The following ATG2B variants were observed in gnomAD, a reference collection of about 807,000 sequenced individuals.
ATG2B encodes the protein autophagy-related protein 2 homolog B.
In ATG2B, 121 loss-of-function variants were observed where a neutral mutation model predicts 241.3. The observed-to-expected ratio is 0.50, with a 90% CI of 0.43 to 0.58. The LOEUF is 0.58. Ranked by LOEUF, ATG2B falls within the 20% of genes least tolerant of loss-of-function variation. The probability of loss-of-function intolerance (pLI) is 0.00; values close to 1 mark genes in which losing one functional copy is unlikely to be tolerated. For missense variants in ATG2B, 2,306 were observed against 2,491.6 expected, an observed-to-expected ratio of 0.93 and a Z score of 1.59; for synonymous variants, 858 against 876.6, an observed-to-expected ratio of 0.98 and a Z score of 0.37.
At position 96,345,260 on chromosome 14, in the gene ATG2B, C is replaced by T; in HGVS notation, c.451G>A (p.Glu151Lys). ...GTTTCAATGGTTTCAGCAAACTTTT[C>T]AAGTCCTTCAAAAGGCTGGGATCCT... ...GEGSQPFEGL[E>K]KFAETIETVL... Residue 151 changes from glutamate (E) to lysine (K), a missense_variant, in exon 3 of 42, where the codon GAA becomes AAA. Glu to Lys is a moderately conservative substitution (Grantham distance 56). This residue lies in a region of ATG2B where 1,927 missense variants were observed against 2,011.2 expected (regional missense o/e 0.96). Transcript: ENST00000359933. The T allele has an allele frequency of 6.2e-7, 1 of 1,611,610 alleles. No homozygotes were observed. The highest frequency in any genetic ancestry group is 8.5e-7 in the Non-Finnish European group (1 of 1,179,140).
chr14:96,350,909 A>G (rs1888300632), intron 1 of ATG2B, among the ~76,000 whole-genome samples: 2 of 152,212 alleles, frequency 1.3e-5, no homozygotes, highest in African/African-American at 4.8e-5. Context: ...CCTGTCCCAT[A>G]GTTCCTTGTA....
chr14:96,333,506 G>A (rs1285533770), intron 8 of ATG2B, among the ~76,000 whole-genome samples, 182 bp downstream of exon 8: 2 of 152,142 alleles, frequency 1.3e-5, no homozygotes, highest in Non-Finnish European at 2.9e-5. Context: ...GCACCTATGT[G>A]CTGGTGCATT....
chr14:96,312,032 A>T, intron 26 of ATG2B, 57 bp downstream of exon 26: 1 of 1,290,352 alleles, frequency 7.7e-7, no homozygotes, highest in Non-Finnish European at 1.1e-6. Flanking sequence ...CTTTAAAATT[A>T]TTTACGCACA....
In ATG2B at chr14:96,332,313, T is replaced by C. The variant is rs1239999816; in HGVS notation, c.1460A>G (p.Gln487Arg). The change falls in exon 10 of 42, where the codon CAG becomes CGG. Residue 487 changes from glutamine to arginine, a missense_variant. This residue lies in a region of ATG2B where 1,927 missense variants were observed against 2,011.2 expected (regional missense o/e 0.96). Coordinates refer to ENST00000359933, the MANE Select transcript of ATG2B (RefSeq NM_018036.7). ...GTCTTATTTTTACTTACATGTCTTC[T>C]GTAAAGGTGTTGGGTGAACTAGGTT... The part of the protein sequence containing the change: ...PSNLVHPTPL[Q>R]KTSLPSRSVS... 4 of 1,611,944 alleles carry C rather than the reference T, an allele frequency of 2.5e-6. No homozygotes were observed. Among genetic ancestry groups the C allele is most frequent in the Non-Finnish European group, 3.4e-6 (4 of 1,178,142 alleles).
intron 25 of ATG2B, among the ~76,000 whole-genome samples, 155 bp downstream of exon 25, chr14:96,312,910 C>T (rs1442426310): frequency 6.6e-6 from 1 of 151,914 alleles, no homozygotes; most frequent in African/African-American, 2.4e-5. Flanking sequence ...AACATGTCAC[C>T]TGAGAAAAAT....
intron 1 of ATG2B, among the ~76,000 whole-genome samples, chr14:96,362,187 CAA>C (rs1888656317): frequency 6.6e-6 from 1 of 152,062 alleles, no homozygotes; most frequent in South Asian, 2.1e-4. Flanking sequence ...TCACGTGGAG[CAA>C]AGAGGCATAA....
rs1157529709 is a variant in ATG2B, at chr14:96,325,953, A to G, written c.2164-31T>C. The G allele has an allele frequency of 7.5e-6, 12 of 1,597,294 alleles. No homozygotes were observed. The East Asian group carries it at 2.7e-4, about 36-fold the overall frequency. The stretch of plus-strand genomic sequence containing the variant: ...ACACAAAACATCAAAAATATGCCAA[A>G]ATATTAAAGTAAATGAACATAAATT... On this transcript the variant is annotated intron_variant, in intron 14 of 41. Transcript: ENST00000359933.
At chr14:96,362,036 T>A (rs990041578) in intron 1 of ATG2B, among the ~76,000 whole-genome samples, 1 of 152,096 alleles carries the variant, frequency 6.6e-6, no homozygotes, top group Non-Finnish European at 1.5e-5. Context: ...TACGACTGCA[T>A]GTGGTGAGTC....
At position 96,343,171 on chromosome 14, in the gene ATG2B, T is replaced by A. The variant is rs750534452; in HGVS notation, c.692A>T (p.Asp231Val). The A allele has an allele frequency of 6.2e-7, 1 of 1,606,590 alleles. No individual in the cohort carries two copies. Among genetic ancestry groups the A allele is most frequent in the Non-Finnish European group, 8.5e-7 (1 of 1,175,360 alleles). The change falls in exon 5 of 42, where the codon GAT (aspartate) becomes GTT (valine). Residue 231 changes from aspartate (D) to valine (V), a missense_variant. Coordinates refer to ENST00000359933, the MANE Select transcript of ATG2B (RefSeq NM_018036.7). The part of the protein sequence containing the change: ...LQLSGVSLFW[D>V]EFSASAKSSP... ...AGATTTGGCTGATGCAGAAAACTCA[T>A]CCCAGAAGAGAGACACTCCAGAGAG... is the stretch of plus-strand genomic sequence containing the variant.
rs1206435347 is a variant in ATG2B, at chr14:96,284,364, T to G, written c.*1391A>C. 1 of 152,226 alleles carries G rather than the reference T, an allele frequency of 6.6e-6. No homozygotes were observed. Among genetic ancestry groups the G allele is most frequent in the Non-Finnish European group, 1.5e-5 (1 of 68,032 alleles). The allele number at this position is 152,226 out of a possible 1,614,324, so 9.4% of individuals were successfully genotyped here. On this transcript the variant is annotated 3_prime_UTR_variant, in exon 42 of 42. Coordinates refer to ENST00000359933, the MANE Select transcript of ATG2B (RefSeq NM_018036.7). ...CCCATTTTTATAAATTCTAAACATT[T>G]TGATTTTTGGTTTACATTGCTTTCC...
At chr14:96,357,792 C>T (rs1888519109) in intron 1 of ATG2B, among the ~76,000 whole-genome samples, 3 of 151,956 alleles carry the variant, frequency 2.0e-5, no homozygotes, top group Admixed American at 1.3e-4. Flanking sequence ...AGTATTTCCA[C>T]AACTAAAAGT....
intron 1 of ATG2B, among the ~76,000 whole-genome samples, chr14:96,358,566 T>A (rs764997826): frequency 2.0e-5 from 3 of 152,232 alleles, no homozygotes; most frequent in Non-Finnish European, 4.4e-5. Flanking sequence ...TAGGTTATAT[T>A]TATGCCCAGT....
intron 1 of ATG2B, among the ~76,000 whole-genome samples, chr14:96,361,749 C>G (rs1384790010): frequency 6.6e-6 from 1 of 152,050 alleles, no homozygotes; most frequent in Non-Finnish European, 1.5e-5. Flanking sequence ...TCCTGGTGAG[C>G]GACTGGGTCT....
At position 96,290,700 on chromosome 14, in the gene ATG2B, G is replaced by A. The variant is rs1886460801; in HGVS notation, c.5702-110C>T. On this transcript the variant is annotated intron_variant, in intron 39 of 41. Transcript: ENST00000359933. The surrounding 1 kb of genome is among the most constrained non-coding windows in gnomAD (Gnocchi z 4.4). ...ACTGGAGGCAAAGTTTTGTGTATAT[G>A]AGTACATATGTGAGTTTTCTAGACT... 2 of 1,537,138 alleles carry A rather than the reference G, an allele frequency of 1.3e-6. No homozygotes were observed. The highest frequency in any genetic ancestry group is 2.0e-5 in the Admixed American group (1 of 51,242).
At chr14:96,337,492 G>A (rs1313546241) in intron 6 of ATG2B, among the ~76,000 whole-genome samples, 1 of 152,128 alleles carries the variant, frequency 6.6e-6, no homozygotes, top group Non-Finnish European at 1.5e-5. Flanking sequence ...TGGTGGGAAT[G>A]CAGATTAGTA....
chr14:96,341,847 G>C lies in ATG2B; in HGVS notation c.745-146C>G, dbSNP rs545230671. 6.9e-6 allele frequency: 4 copies of C among 577,402 alleles called. 1 individual carries two copies. The South Asian group carries it at 1.8e-4, about 26-fold the overall frequency. The allele number at this position is 577,402 out of a possible 1,614,324, so 35.8% of individuals were successfully genotyped here. A position where few individuals can be genotyped will look rare whatever the true frequency, so the allele number is the denominator to read the frequency against. On this transcript the variant is annotated intron_variant, in intron 5 of 41. Transcript: ENST00000359933. ...ACAATGGACAAACCAGTATCGTATAGCTAAAATGAAACACAGTCCACTAAA... is the reference window on the plus strand; with the variant it reads ...ACAATGGACAAACCAGTATCGTATACCTAAAATGAAACACAGTCCACTAAA...
rs1416794241 is a variant in ATG2B at position 96,333,756 on chromosome 14, A to T, written c.1139T>A (p.Leu380His). Residue 380 changes from leucine to histidine, a missense_variant, in exon 8 of 42, where the codon CTC becomes CAC. Coordinates refer to ENST00000359933, the MANE Select transcript of ATG2B (RefSeq NM_018036.7). ...LNRYYLRKDSLSVGVSSEQSF... is the reference protein window; with the variant it reads ...LNRYYLRKDSHSVGVSSEQSF... ...TTGCTCTGAAGATACACCCACAGAG[A>T]GGGAATCTTTTCTCAAATAATACCG... 6.2e-7 allele frequency: 1 copy of T among 1,613,944 alleles called. No homozygotes were observed. The highest frequency in any genetic ancestry group is 1.7e-5 in the Admixed American group (1 of 59,994).
intron 23 of ATG2B, among the ~76,000 whole-genome samples, chr14:96,314,113 A>T (rs1247687598): frequency 2.6e-5 from 4 of 152,200 alleles, no homozygotes; most frequent in African/African-American, 9.6e-5. Context: ...CCAGCTGGTT[A>T]TTCACCCTAA....
chr14:96,319,367 T>C (rs1406841774), intron 18 of ATG2B, among the ~76,000 whole-genome samples: 1 of 152,212 alleles, frequency 6.6e-6, no homozygotes, highest in African/African-American at 2.4e-5. Flanking sequence ...ACTCTGTGTC[T>C]ATGAGGCTGA....
Sources: gnomAD v4.1 joint callset for allele counts (sites outside exome capture counted in the v4.1 genomes callset) on GRCh38, gnomAD v4.1.1 for gene constraint, gnomAD v4.1.1 regional missense constraint, Gnocchi (gnomAD v3.1) non-coding constraint, MANE v1.5 for transcripts, NCBI Gene and HGNC (gene_info 2026-07-23, HGNC 2026-07-21) for gene names.